SGCG: variants seen among roughly 807,000 people sequenced by gnomAD.
SGCG encodes the protein gamma-sarcoglycan.
SGCG carries 26 observed loss-of-function variants against 29.3 expected under a neutral mutation model. The ratio of observed to expected loss-of-function variants is 0.89; its 90% CI spans 0.65 to 1.23. SGCG has a LOEUF of 1.23. Ranked by LOEUF, SGCG falls within the 50% of genes most tolerant of loss-of-function variation. The pLI, the probability that SGCG is intolerant of heterozygous loss-of-function variation, is 0.00. For synonymous variants in SGCG, 145 were observed against 129.7 expected (o/e 1.12, Z -0.80); for missense variants, 353 against 356.0 (o/e 0.99, Z 0.07).
In SGCG at chr13:23,295,398, C is replaced by CT. The variant is rs761883156; in HGVS notation, c.506-14dup. ...TATTTTACTTCTGCTCCTGATACATCTTTGTTTTTTGTTTAGGGCCTGAAG... is the reference window on the plus strand; with the variant it reads ...TATTTTACTTCTGCTCCTGATACATCTTTTGTTTTTTGTTTAGGGCCTGAAG... On this transcript the variant is annotated splice_polypyrimidine_tract_variant and intron_variant, in intron 5 of 7. Transcript: ENST00000218867. 5 of 1,599,024 alleles carry CT rather than the reference C, an allele frequency of 3.1e-6. No individual in the cohort carries two copies. In the African/African-American group the frequency reaches 6.7e-5, roughly 21 times the overall value.
At chr13:23,234,754 A>C (rs1363713601) in intron 3 of SGCG, 42 bp downstream of exon 3, 1 of 1,362,236 alleles carries the variant, frequency 7.3e-7, no homozygotes, top group East Asian at 2.3e-5. Context: ...TTTATGAAAA[A>C]TAAATCATGT....
chr13:23,258,354 T>C (rs1322096983), intron 4 of SGCG, among the ~76,000 whole-genome samples: 5 of 152,162 alleles, frequency 3.3e-5, no homozygotes, highest in Non-Finnish European at 7.3e-5. Flanking sequence ...TGTTTGTGTG[T>C]TATTGGTGTA....
At chr13:23,183,504 G>A (rs1031771663) in intron 1 of SGCG, among the ~76,000 whole-genome samples, 1 of 152,026 alleles carries the variant, frequency 6.6e-6, no homozygotes, top group Non-Finnish European at 1.5e-5. Flanking sequence ...TGCATTCCAG[G>A]ATACAAATAG....
intron 4 of SGCG, among the ~76,000 whole-genome samples, chr13:23,275,361 A>G (rs1469436234): frequency 6.6e-6 from 1 of 151,958 alleles, no homozygotes; most frequent in African/African-American, 2.4e-5. Flanking sequence ...CTAAAAATAC[A>G]AAAGTCAGCC....
At chr13:23,296,680 G>GT (rs2137646925) in intron 6 of SGCG, among the ~76,000 whole-genome samples, 1 of 152,088 alleles carries the variant, frequency 6.6e-6, no homozygotes, top group Non-Finnish European at 1.5e-5. Context: ...AAATAATACA[G>GT]TTTTTTCCTT....
chr13:23,222,740 C>T (rs1878720231), intron 2 of SGCG, among the ~76,000 whole-genome samples: 1 of 152,110 alleles, frequency 6.6e-6, no homozygotes, highest in Non-Finnish European at 1.5e-5. Flanking sequence ...AGGCATAAGA[C>T]TCGCTTGAAC....
intron 1 of SGCG, among the ~76,000 whole-genome samples, chr13:23,192,676 G>A (rs2137482791): frequency 6.6e-6 from 1 of 152,330 alleles, no homozygotes; most frequent in Admixed American, 6.5e-5. Flanking sequence ...GATTACAGGC[G>A]TGAGCCATGG....
intron 7 of SGCG, among the ~76,000 whole-genome samples, chr13:23,323,618 CTTTG>C (rs1373070131): frequency 6.6e-6 from 1 of 152,220 alleles, no homozygotes; most frequent in African/African-American, 2.4e-5. Flanking sequence ...ATCTACGGCT[CTTTG>C]TTTGCACTTC....
intron 7 of SGCG, among the ~76,000 whole-genome samples, chr13:23,322,552 C>T (rs1253332698): frequency 2.6e-5 from 4 of 152,180 alleles, no homozygotes; most frequent in Non-Finnish European, 5.9e-5. Flanking sequence ...GCTCAGAAGG[C>T]TGAACACACA....
intron 5 of SGCG, among the ~76,000 whole-genome samples, chr13:23,291,899 T>C (rs1199170621): frequency 2.0e-5 from 3 of 152,238 alleles, no homozygotes; most frequent in South Asian, 2.1e-4. Flanking sequence ...ACTCAGGGCA[T>C]GTAGCACCTT....
chr13:23,179,749 T>C (rs1397651309), upstream of SGCG, among the ~76,000 whole-genome samples: 1 of 152,130 alleles, frequency 6.6e-6, no homozygotes, highest in African/African-American at 2.4e-5. Flanking sequence ...GCTGGTATGA[T>C]AGAAGTATCA....
intron 2 of SGCG, among the ~76,000 whole-genome samples, chr13:23,230,905 G>A (rs1004375411): frequency 5.3e-5 from 8 of 152,090 alleles, no homozygotes; most frequent in Admixed American, 2.0e-4. Flanking sequence ...TAACCATTCA[G>A]TATGATATTG....
rs145880792 is a variant in SGCG, at chr13:23,313,504, A to G, written c.579-7133A>G. 5.0e-4 allele frequency among the ~76,000 whole-genome samples: 76 copies of G among 152,308 alleles called. 3 individuals carry two copies. The East Asian group carries it at 0.014, about 29-fold the overall frequency. On this transcript the variant is annotated intron_variant, in intron 6 of 7. Coordinates refer to ENST00000218867, the MANE Select transcript of SGCG (RefSeq NM_000231.3). Reference sequence around the variant, plus strand: ...AAATGACATTAATATGACATGAGCAATAACTATTAAGGTCATACATGTTTG... The same window carrying G: ...AAATGACATTAATATGACATGAGCAGTAACTATTAAGGTCATACATGTTTG...
At chr13:23,190,262 G>A (rs1877189462) in intron 1 of SGCG, among the ~76,000 whole-genome samples, 1 of 152,016 alleles carries the variant, frequency 6.6e-6, no homozygotes, top group African/African-American at 2.4e-5. Context: ...GCATTATAGA[G>A]TTCTTCTGAC....
chr13:23,213,535 G>C (rs973884064), intron 2 of SGCG, among the ~76,000 whole-genome samples: 1 of 152,120 alleles, frequency 6.6e-6, no homozygotes, highest in East Asian at 1.9e-4. Flanking sequence ...TATTGTATCT[G>C]TCCTTGATCA....
chr13:23,258,250 A>G (rs1361852656), intron 4 of SGCG, among the ~76,000 whole-genome samples: 3 of 152,252 alleles, frequency 2.0e-5, no homozygotes, highest in African/African-American at 7.2e-5. Context: ...TTCTCCTTGA[A>G]GAGGTCCTTC....
At chr13:23,194,408 A>C (rs765182666) in intron 1 of SGCG, among the ~76,000 whole-genome samples, 1 of 152,198 alleles carries the variant, frequency 6.6e-6, no homozygotes, top group African/African-American at 2.4e-5. Flanking sequence ...GAAACTTACT[A>C]ATTTATAAAA....
intron 7 of SGCG, among the ~76,000 whole-genome samples, chr13:23,322,357 C>T (rs1883067777): frequency 1.3e-5 from 2 of 152,220 alleles, no homozygotes; most frequent in African/African-American, 2.4e-5. Context: ...GACTGGAAAA[C>T]TGCTCCCATT....
At chr13:23,228,151 A>C (rs985303944) in intron 2 of SGCG, among the ~76,000 whole-genome samples, 55 of 152,144 alleles carry the variant, frequency 3.6e-4, no homozygotes, top group African/African-American at 1.3e-3. Flanking sequence ...TTGTACAACT[A>C]TATGAGCTTG....
Sources: gnomAD v4.1 joint callset for allele counts (sites outside exome capture counted in the v4.1 genomes callset) on GRCh38, gnomAD v4.1.1 for gene constraint, MANE v1.5 for transcripts, NCBI Gene and HGNC (gene_info 2026-07-23, HGNC 2026-07-21) for gene names.